KAZN: variants seen among roughly 807,000 people sequenced by gnomAD.
The protein encoded by KAZN is kazrin.
KAZN carries 40 observed loss-of-function variants against 87.4 expected under a neutral mutation model. The observed-to-expected ratio is 0.46, with a 90% CI of 0.36 to 0.60. KAZN has a LOEUF of 0.60. Ranked by LOEUF, KAZN falls within the 20% of genes least tolerant of loss-of-function variation. The probability of loss-of-function intolerance (pLI) is 0.00; values close to 1 mark genes in which losing one functional copy is unlikely to be tolerated. For missense variants in KAZN, 898 were observed against 1,073.9 expected (o/e 0.84, Z 2.29); for synonymous variants, 466 against 458.3 (o/e 1.02, Z -0.22).
chr1:14,479,795 C>T (rs1195393833), intron 2 of KAZN, among the ~76,000 whole-genome samples: 10 of 152,124 alleles, frequency 6.6e-5, no homozygotes, highest in African/African-American at 2.2e-4. Flanking sequence ...GGAGGCGTTG[C>T]CAAATGGATG....
chr1:15,019,671 G>A (rs1670471753), intron 2 of KAZN, among the ~76,000 whole-genome samples: 1 of 152,212 alleles, frequency 6.6e-6, no homozygotes, highest in Non-Finnish European at 1.5e-5. Flanking sequence ...TTACAAGCGT[G>A]AGCCACCAAG....
intron 1 of KAZN, among the ~76,000 whole-genome samples, chr1:14,051,944 C>T (rs1642352059): frequency 6.6e-6 from 1 of 152,192 alleles, no homozygotes; most frequent in African/African-American, 2.4e-5. Context: ...CTCTTCCAAG[C>T]CTTATGTTTT....
intron 2 of KAZN, among the ~76,000 whole-genome samples, chr1:15,027,067 CTTCTTTTTTTTTTTTT>C (rs1671238090): frequency 1.6e-5 from 1 of 62,210 alleles, no homozygotes; most frequent in African/African-American, 5.3e-5. Context: ...CAAGCCAGTG[CTTCTTTTTTTTTTTTT>C]TTTTTTTTTT....
chr1:14,978,063 G>A (rs1011591662), intron 2 of KAZN, among the ~76,000 whole-genome samples: 2 of 151,852 alleles, frequency 1.3e-5, no homozygotes, highest in Non-Finnish European at 2.9e-5. Context: ...CTGCTATGGG[G>A]TCCATATATT....
intron 2 of KAZN, among the ~76,000 whole-genome samples, chr1:14,241,054 A>G (rs1648892758): frequency 6.6e-6 from 1 of 152,272 alleles, no homozygotes; most frequent in African/African-American, 2.4e-5. Flanking sequence ...TATGAAAATT[A>G]AATGCAGTCC....
intron 4 of KAZN, among the ~76,000 whole-genome samples, chr1:15,055,562 G>T (rs1674860502): frequency 6.6e-6 from 1 of 152,164 alleles, no homozygotes; most frequent in South Asian, 2.1e-4. Context: ...TAGCTCTCGG[G>T]TGAGTTAACT....
intron 1 of KAZN, among the ~76,000 whole-genome samples, chr1:14,123,118 C>T (rs1644787332): frequency 6.6e-6 from 1 of 152,218 alleles, no homozygotes; most frequent in Non-Finnish European, 1.5e-5. Context: ...TGATGTCACT[C>T]CTTGGGCAGC....
chr1:14,258,475 T>C lies in KAZN; in HGVS notation c.249+77883T>C, dbSNP rs1262279226. On this transcript the variant is annotated intron_variant, in intron 2 of 16. Coordinates refer to the KAZN transcript ENST00000636203. ...TGGTCTCGATCTCCTGACCTCGTGATCCACCTGCCTCGGCCTCCCAAAGTG... is the reference window on the plus strand; with the variant it reads ...TGGTCTCGATCTCCTGACCTCGTGACCCACCTGCCTCGGCCTCCCAAAGTG... Among the ~76,000 whole-genome samples, 4 of 151,312 alleles carry C rather than the reference T, an allele frequency of 2.6e-5. No individual in the cohort carries two copies. In the East Asian group the frequency reaches 7.8e-4, roughly 29 times the overall value.
chr1:14,606,625 C>G (rs966628845), intron 1 of KAZN, among the ~76,000 whole-genome samples: 9 of 152,130 alleles, frequency 5.9e-5, no homozygotes, highest in African/African-American at 2.2e-4. Context: ...TGCCTGAGTT[C>G]TCTCTCTGTG....
intron 2 of KAZN, among the ~76,000 whole-genome samples, chr1:14,232,073 AG>A (rs1419861029): frequency 6.6e-6 from 1 of 152,132 alleles, no homozygotes; most frequent in Non-Finnish European, 1.5e-5. Flanking sequence ...CCAACTGCAA[AG>A]GGGCTGGGAA....
At chr1:14,153,778 C>CA (rs58002901) in intron 1 of KAZN, among the ~76,000 whole-genome samples, 2 of 120,360 alleles carry the variant, frequency 1.7e-5, no homozygotes, top group Non-Finnish European at 1.8e-5. Flanking sequence ...AACTCTGTCT[C>CA]AAAAAAAAAA....
intron 2 of KAZN, among the ~76,000 whole-genome samples, chr1:14,505,334 G>A (rs908078642): frequency 6.6e-6 from 1 of 152,138 alleles, no homozygotes; most frequent in African/African-American, 2.4e-5. Flanking sequence ...GAAAGGGCAG[G>A]TTCTAGAAGA....
intron 2 of KAZN, among the ~76,000 whole-genome samples, chr1:14,214,670 T>C (rs772737940): frequency 6.6e-6 from 1 of 152,112 alleles, no homozygotes; most frequent in Non-Finnish European, 1.5e-5. Flanking sequence ...CCAACAAGAT[T>C]TACTGATGGA....
intron 2 of KAZN, among the ~76,000 whole-genome samples, chr1:14,539,370 A>C (rs994365412): frequency 6.6e-6 from 1 of 152,236 alleles, no homozygotes; most frequent in Admixed American, 6.5e-5. Flanking sequence ...GAGCAATATA[A>C]GGACATTTTT....
intron 2 of KAZN, among the ~76,000 whole-genome samples, chr1:14,520,444 T>C (rs536911591): frequency 6.6e-6 from 1 of 152,136 alleles, no homozygotes; most frequent in South Asian, 2.1e-4. Context: ...GGGGGACAAT[T>C]GTGCATGCCA....
At chr1:15,012,644 C>G (rs189080623) in intron 2 of KAZN, among the ~76,000 whole-genome samples, 3 of 152,142 alleles carry the variant, frequency 2.0e-5, no homozygotes, top group Non-Finnish European at 4.4e-5. Context: ...GATCATGGCC[C>G]GGCGTGGTTG....
chr1:15,018,530 A>G (rs1169250354), intron 2 of KAZN, among the ~76,000 whole-genome samples: 2 of 151,820 alleles, frequency 1.3e-5, no homozygotes, highest in African/African-American at 4.8e-5. Context: ...TGGAAGAGGG[A>G]AAAATCAAAG....
At chr1:14,446,238 G>A (rs548544589) in intron 2 of KAZN, among the ~76,000 whole-genome samples, 7 of 152,158 alleles carry the variant, frequency 4.6e-5, no homozygotes, top group East Asian at 1.9e-4. Flanking sequence ...GGAATGCTGC[G>A]TGCTAATTTG....
chr1:14,103,462 A>C (rs1644303718), intron 1 of KAZN, among the ~76,000 whole-genome samples: 1 of 152,198 alleles, frequency 6.6e-6, no homozygotes, highest in Admixed American at 6.5e-5. Flanking sequence ...ATTATCTTAC[A>C]TTTCTGTAGG....
Sources: gnomAD v4.1 joint callset for allele counts (sites outside exome capture counted in the v4.1 genomes callset) on GRCh38, gnomAD v4.1.1 for gene constraint, MANE v1.5 for transcripts, NCBI Gene and HGNC (gene_info 2026-07-23, HGNC 2026-07-21) for gene names.